The following NUDT21 variants were observed in gnomAD, a reference collection of about 807,000 sequenced individuals.
NUDT21 encodes the protein nudix hydrolase 21.
A neutral mutation model predicts 29.8 loss-of-function variants in NUDT21; 5 were observed. The observed-to-expected ratio is 0.17, with a 90% confidence interval of 0.09 to 0.35. The LOEUF is 0.35. Ranked by LOEUF, NUDT21 falls within the 10% of genes least tolerant of loss-of-function variation. The pLI, the probability that NUDT21 is intolerant of heterozygous loss-of-function variation, is 1.00. For missense variants in NUDT21, 76 were observed against 276.0 expected, an observed-to-expected ratio of 0.28 and a Z score of 5.13; for synonymous variants, 113 against 98.5, an observed-to-expected ratio of 1.15 and a Z score of -0.87.
At chr16:56,441,649 T>C (rs1010058265) in intron 3 of NUDT21, among the ~76,000 whole-genome samples, 1 of 152,240 alleles carries the variant, frequency 6.6e-6, no homozygotes, top group African/African-American at 2.4e-5. Flanking sequence ...CATCTTCCCA[T>C]TATCAATATT....
chr16:56,440,665 A>G (rs768805497), intron 3 of NUDT21, among the ~76,000 whole-genome samples: 1 of 152,216 alleles, frequency 6.6e-6, no homozygotes, highest in African/African-American at 2.4e-5. Flanking sequence ...GGTACATGCT[A>G]TATCAATATG....
chr16:56,432,796 A>G, intron 6 of NUDT21, 63 bp from the exon 7 acceptor site: 2 of 1,220,598 alleles, frequency 1.6e-6, no homozygotes, highest in Non-Finnish European at 1.2e-6. Flanking sequence ...CATATTAGAT[A>G]AATAAATTTA....
At position 56,448,533 on chromosome 16, in the gene NUDT21, T is replaced by G. The variant is rs538235832; in HGVS notation, c.117-544A>C. Among the ~76,000 whole-genome samples the G allele has an allele frequency of 2.6e-5, 4 of 152,348 alleles. No individual in the cohort carries two copies. The East Asian group carries it at 7.7e-4, about 29-fold the overall frequency. On this transcript the variant is annotated intron_variant, in intron 1 of 6. Transcript: ENST00000300291. ...TTCCTTTTCACAGCAACTCTTCTACTTTCTCTTTTTGTCCTCTAAACCTAT... is the reference window on the plus strand; with the variant it reads ...TTCCTTTTCACAGCAACTCTTCTACGTTCTCTTTTTGTCCTCTAAACCTAT...
At chr16:56,437,345 C>CA (rs1962114748) in intron 4 of NUDT21, among the ~76,000 whole-genome samples, 1 of 152,080 alleles carries the variant, frequency 6.6e-6, no homozygotes, top group African/African-American at 2.4e-5. Context: ...CCACCATTAG[C>CA]AAAAATAGGA....
At chr16:56,435,484 T>C (rs1420218911) in intron 4 of NUDT21, among the ~76,000 whole-genome samples, 2 of 150,404 alleles carry the variant, frequency 1.3e-5, no homozygotes, top group African/African-American at 4.9e-5. Context: ...CGCAGCACTT[T>C]GGGAGGCCAA....
At position 56,432,601 on chromosome 16, in the gene NUDT21, T is replaced by A. The variant is rs1369916942; in HGVS notation, c.*111A>T. 2 of 732,232 alleles carry A rather than the reference T, an allele frequency of 2.7e-6. No homozygotes were observed. Among genetic ancestry groups the A allele is most frequent in the Non-Finnish European group, 4.3e-6 (2 of 460,966 alleles). The allele number at this position is 732,232 out of a possible 1,614,324, so 45.4% of individuals were successfully genotyped here. A position where few individuals can be genotyped will look rare whatever the true frequency, so the allele number is the denominator to read the frequency against. ...CAATAGAAAGGTGGCAATTTAGGGA[T>A]CGCAAAAGAGATAAAACCAAAAAAA... On this transcript the variant is annotated 3_prime_UTR_variant, in exon 7 of 7. Coordinates refer to ENST00000300291, the MANE Select transcript of NUDT21 (RefSeq NM_007006.3).
chr16:56,439,610 G>A (rs370573712), intron 4 of NUDT21, 47 bp downstream of exon 4: 24 of 1,232,452 alleles, frequency 1.9e-5, no homozygotes, highest in African/African-American at 1.3e-4. Context: ...AGAATTAAAC[G>A]AGCTTTCTGC....
rs1402961422 is a variant in NUDT21 at position 56,429,538 on chromosome 16, T to TA, written c.*3173dup. 12 of 152,206 alleles carry TA rather than the reference T, an allele frequency of 7.9e-5. No homozygotes were observed. Among genetic ancestry groups the TA allele is most frequent in the African/African-American group, 2.9e-4 (12 of 41,440 alleles). 9.4% of individuals were successfully genotyped at this position (152,206 alleles called of 1,614,324 possible). A position where few individuals can be genotyped will look rare whatever the true frequency, so the allele number is the denominator to read the frequency against. ...TAATAACTATAATACAAGCTAATAT[T>TA]AAAATGTGTTTTATGGCTCAAATCA... On this transcript the variant is annotated 3_prime_UTR_variant, in exon 7 of 7. Transcript: ENST00000300291.
At chr16:56,443,757 T>C (rs1419320760) in intron 3 of NUDT21, among the ~76,000 whole-genome samples, 1 of 152,144 alleles carries the variant, frequency 6.6e-6, no homozygotes, top group Non-Finnish European at 1.5e-5. Context: ...ACATGCCCAC[T>C]CCCATTTTGC....
At chr16:56,449,080 T>G (rs1962249608) in intron 1 of NUDT21, 1 of 152,174 alleles carries the variant, frequency 6.6e-6, no homozygotes, top group Non-Finnish European at 1.5e-5. Context: ...AAAACCATCA[T>G]CCATAGCAGC....
In NUDT21 at chr16:56,439,640, T is replaced by C. The variant is rs780317104; in HGVS notation, c.471+17A>G. 6.5e-7 allele frequency: 1 copy of C among 1,547,360 alleles called. No individual in the cohort carries two copies. The highest frequency in any genetic ancestry group is 2.2e-5 in the East Asian group (1 of 44,588). On this transcript the variant is annotated intron_variant, in intron 4 of 6. Coordinates refer to ENST00000300291, the MANE Select transcript of NUDT21 (RefSeq NM_007006.3). ...TTCTGCTTCCAAAATGCCCAGCAAA[T>C]GTAACTGAACACTGACCTGAGGAGG...
intron 3 of NUDT21, among the ~76,000 whole-genome samples, chr16:56,442,247 TG>T (rs1284155194): frequency 4.5e-4 from 68 of 152,356 alleles, no homozygotes; most frequent in Non-Finnish European, 1.9e-4. Context: ...GCTTCACAGC[TG>T]GAGTCCTTAT....
chr16:56,433,257 C>A (rs1188688717), intron 6 of NUDT21, among the ~76,000 whole-genome samples: 3 of 152,182 alleles, frequency 2.0e-5, no homozygotes, highest in Non-Finnish European at 4.4e-5. Flanking sequence ...TAAGTATGTA[C>A]CAGATTACTG....
intron 1 of NUDT21, among the ~76,000 whole-genome samples, chr16:56,448,836 A>G (rs990091695): frequency 3.3e-5 from 5 of 152,192 alleles, no homozygotes; most frequent in Non-Finnish European, 7.3e-5. Context: ...TTGCCCATCC[A>G]AGGTATCTAT....
At chr16:56,443,065 A>G (rs1962177805) in intron 3 of NUDT21, among the ~76,000 whole-genome samples, 1 of 152,192 alleles carries the variant, frequency 6.6e-6, no homozygotes, top group African/African-American at 2.4e-5. Flanking sequence ...TTTCTTGTTA[A>G]GAAGTTTTCT....
rs1962235453 is a variant in NUDT21 at position 56,447,782 on chromosome 16, T to C, written c.317+7A>G. ...CTGTCTTGCTGTTAATTTCCAACAC[T>C]ACTTACAGTTTGAAGAAAGTTGTTC... On this transcript the variant is annotated splice_region_variant and intron_variant, in intron 2 of 6. Coordinates refer to ENST00000300291, the MANE Select transcript of NUDT21 (RefSeq NM_007006.3). 2.5e-6 allele frequency: 4 copies of C among 1,613,508 alleles called. No individual in the cohort carries two copies. The East Asian group carries it at 6.7e-5, about 27-fold the overall frequency.
chr16:56,432,996 A>C (rs554304133), intron 6 of NUDT21, among the ~76,000 whole-genome samples: 3 of 152,314 alleles, frequency 2.0e-5, no homozygotes, highest in Non-Finnish European at 2.9e-5. Context: ...TTATCCACTA[A>C]TAAGTTCTTT....
At chr16:56,443,312 G>A (rs1223513033) in intron 3 of NUDT21, among the ~76,000 whole-genome samples, 3 of 152,040 alleles carry the variant, frequency 2.0e-5, no homozygotes, top group African/African-American at 7.2e-5. Context: ...GAGTAGCTGG[G>A]ATTACAGGCA....
chr16:56,445,846 C>T (rs1235281970), intron 3 of NUDT21, among the ~76,000 whole-genome samples: 1 of 152,102 alleles, frequency 6.6e-6, no homozygotes. Context: ...AATGGAAGTC[C>T]AAGCACAGGA....
Sources: allele counts gnomAD v4.1 joint callset (sites outside exome capture counted in the v4.1 genomes callset), GRCh38; gene constraint gnomAD v4.1.1; transcripts MANE v1.5; gene names NCBI Gene and HGNC (gene_info 2026-07-23, HGNC 2026-07-21).